The following HHIPL1 variants were observed in gnomAD, a reference collection of about 807,000 sequenced individuals.
HHIPL1 encodes the protein HHIP like 1.
A neutral mutation model predicts 61.8 loss-of-function variants in HHIPL1; 43 were observed. The ratio of observed to expected loss-of-function variants is 0.70; its 90% CI spans 0.55 to 0.90. The LOEUF is 0.90. HHIPL1 is among the 40% of genes least tolerant of loss of function. The pLI is 0.00. For synonymous variants in HHIPL1, 482 were observed against 515.8 expected (o/e 0.93, Z 0.89); for missense variants, 1,056 against 1,157.7 (o/e 0.91, Z 1.28).
At chr14:99,656,629 A>C (rs983736332) in intron 2 of HHIPL1, among the ~76,000 whole-genome samples, 2 of 151,698 alleles carry the variant, frequency 1.3e-5, no homozygotes, top group Non-Finnish European at 2.9e-5. Context: ...TACAAAAATT[A>C]GCCAGGCATG....
intron 6 of HHIPL1, among the ~76,000 whole-genome samples, chr14:99,666,312 C>A (rs2056244174): frequency 6.6e-6 from 1 of 152,166 alleles, no homozygotes; most frequent in Admixed American, 6.5e-5. Context: ...GCTTCTGAGG[C>A]CTTCATTTTG....
At position 99,660,423 on chromosome 14, in the gene HHIPL1, C is replaced by T. The variant is rs377642665; in HGVS notation, c.1502+17C>T. Reference sequence around the variant, plus strand: ...CATGAGCGGGTAAGTGACCTAGTGCCCTCGCGCCCCTGGCTGCTGCCACTG... The same window carrying T: ...CATGAGCGGGTAAGTGACCTAGTGCTCTCGCGCCCCTGGCTGCTGCCACTG... On this transcript the variant is annotated intron_variant, in intron 5 of 8. Coordinates refer to ENST00000330710, the MANE Select transcript of HHIPL1 (RefSeq NM_001127258.3). The surrounding 1 kb of genome is among the most constrained non-coding windows in gnomAD (Gnocchi z 4.9). 2.2e-5 allele frequency: 35 copies of T among 1,603,684 alleles called. No homozygotes were observed. Among genetic ancestry groups the T allele is most frequent in the Non-Finnish European group, 2.9e-5 (34 of 1,172,916 alleles).
chr14:99,609,537 G>T, the HHIPL1 span, among the ~76,000 whole-genome samples: 516 of 152,360 alleles, frequency 3.4e-3, 7 homozygotes, highest in Middle Eastern at 0.017. Context: ...TTGGGGTGGG[G>T]CCAGCCCAGA....
chr14:99,637,299 T>A, the HHIPL1 span, among the ~76,000 whole-genome samples: 19 of 152,136 alleles, frequency 1.2e-4, no homozygotes, highest in Admixed American at 1.2e-3. Context: ...CAGTGGCTCA[T>A]GCCTGTAATC....
chr14:99,612,640 T>C, the HHIPL1 span, among the ~76,000 whole-genome samples: 1 of 152,186 alleles, frequency 6.6e-6, no homozygotes, highest in African/African-American at 2.4e-5. Flanking sequence ...CTTCTGTAAC[T>C]GTTGCACCAC....
At chr14:99,623,802 T>C in the HHIPL1 span, among the ~76,000 whole-genome samples, 5 of 151,972 alleles carry the variant, frequency 3.3e-5, no homozygotes, top group Non-Finnish European at 7.4e-5. Context: ...GCTGTACCTG[T>C]GATTTGAGGA....
At chr14:99,611,181 G>A in the HHIPL1 span, among the ~76,000 whole-genome samples, 2 of 152,204 alleles carry the variant, frequency 1.3e-5, no homozygotes, top group Non-Finnish European at 2.9e-5. Context: ...CCAGGCCAGA[G>A]TGCAATGGTT....
intron 6 of HHIPL1, 103 bp downstream of exon 6, chr14:99,663,124 G>A (rs1037557560): frequency 2.0e-5 from 23 of 1,162,084 alleles, no homozygotes; most frequent in Non-Finnish European, 2.7e-5. Context: ...GACCACACAG[G>A]CCTGAAATTA....
At chr14:99,666,020 G>C (rs1338266039) in intron 6 of HHIPL1, among the ~76,000 whole-genome samples, 4 of 151,698 alleles carry the variant, frequency 2.6e-5, no homozygotes, top group Non-Finnish European at 5.9e-5. Context: ...GACCTCAAGT[G>C]ATCTGCCCGC....
At chr14:99,636,269 C>T in the HHIPL1 span, among the ~76,000 whole-genome samples, 10 of 150,838 alleles carry the variant, frequency 6.6e-5, no homozygotes, top group Admixed American at 5.3e-4. Context: ...CCTGGAGAGA[C>T]CTGGGGGTGG....
intron 3 of HHIPL1, 85 bp downstream of exon 3, chr14:99,657,228 C>T (rs550417929): frequency 1.4e-5 from 20 of 1,465,952 alleles, no homozygotes; most frequent in Admixed American, 2.0e-5. Context: ...GTTCCTTCCT[C>T]GGCCAGGCAT....
chr14:99,656,876 G>T (rs368766208), intron 2 of HHIPL1, 124 bp from the exon 3 acceptor site: 1 of 3,326 alleles, frequency 3.0e-4, no homozygotes. Flanking sequence ...AGGAAGGAAG[G>T]AAGGAAGGAA....
At chr14:99,651,297 T>C (rs1276472322) in intron 1 of HHIPL1, among the ~76,000 whole-genome samples, 1 of 141,100 alleles carries the variant, frequency 7.1e-6, no homozygotes, top group Non-Finnish European at 1.6e-5. Context: ...AAAACAAAAC[T>C]GGGTAATTTA....
the HHIPL1 span, among the ~76,000 whole-genome samples, chr14:99,631,083 T>G: frequency 5.4e-5 from 8 of 148,594 alleles, no homozygotes; most frequent in African/African-American, 2.0e-4. Flanking sequence ...TTTCTTTCTT[T>G]CTTTCTTTCT....
At position 99,657,067 on chromosome 14, in the gene HHIPL1, G is replaced by C; in HGVS notation, c.970G>C (p.Gly324Arg). The C allele has an allele frequency of 3.1e-6, 5 of 1,613,676 alleles. No homozygotes were observed. Among genetic ancestry groups the C allele is most frequent in the Non-Finnish European group, 4.2e-6 (5 of 1,179,832 alleles). ...NGGQLLFGDD[G>R]YLYIFTGDGG... is the part of the protein sequence containing the mutation. ...GGGCCAGCTGCTTTTCGGGGATGAC[G>C]GGTACCTCTACATCTTCACTGGAGA... The change falls in exon 3 of 9, where the codon GGG (glycine) becomes CGG (arginine). Residue 324 changes from glycine (G) to arginine (R), a missense_variant. Coordinates refer to ENST00000330710, the MANE Select transcript of HHIPL1 (RefSeq NM_001127258.3).
At chr14:99,637,062 AAAAGAAAGAAAGAGAGAG>A in the HHIPL1 span, among the ~76,000 whole-genome samples, 2 of 121,580 alleles carry the variant, frequency 1.6e-5, no homozygotes, top group African/African-American at 6.5e-5. Flanking sequence ...AAGGAAGGAA[AAAAGAAAGAAAGAGAGAG>A]AAAGAAAGAA....
chr14:99,626,365 T>C, the HHIPL1 span, among the ~76,000 whole-genome samples: 38 of 152,246 alleles, frequency 2.5e-4, no homozygotes, highest in African/African-American at 7.7e-4. Context: ...CCTGCTCCCA[T>C]CAGGATTCCA....
Position 99,652,547 on chromosome 14 carries a change from G to A in HHIPL1, c.579G>A (p.Leu193=), listed in dbSNP as rs371456591. The A allele has an allele frequency of 1.1e-5, 18 of 1,612,892 alleles. No homozygotes were observed. Among genetic ancestry groups the A allele is most frequent in the Non-Finnish European group, 1.2e-5 (14 of 1,180,016 alleles). The change falls in exon 2 of 9, where the codon CTG becomes CTA. Residue 193 remains leucine (L), a synonymous_variant. Coordinates refer to ENST00000330710, the MANE Select transcript of HHIPL1 (RefSeq NM_001127258.3). The stretch of plus-strand genomic sequence containing the variant: ...GCCTGGAGGAGGTGGCCAACGGGCT[G>A]CGCAACCCCGTGGCCATGGTCCATG... ...QLCLEEVANG[L]RNPVAMVHAR...
the HHIPL1 span, among the ~76,000 whole-genome samples, chr14:99,617,768 C>A: frequency 6.6e-6 from 1 of 152,222 alleles, no homozygotes; most frequent in Non-Finnish European, 1.5e-5. Flanking sequence ...GGCCTGCCTG[C>A]TGGAGAAGGA....
Sources: gnomAD v4.1 joint callset for allele counts (sites outside exome capture counted in the v4.1 genomes callset) on GRCh38, gnomAD v4.1.1 for gene constraint, Gnocchi (gnomAD v3.1) non-coding constraint, MANE v1.5 for transcripts, NCBI Gene and HGNC (gene_info 2026-07-23, HGNC 2026-07-21) for gene names.